HPSE2: variants seen among roughly 807,000 people sequenced by gnomAD.
The protein encoded by HPSE2 is inactive heparanase-2.
A neutral mutation model predicts 60.5 loss-of-function variants in HPSE2; 38 were observed. That is an observed-to-expected ratio of 0.63 (90% CI 0.48 to 0.82). HPSE2 has a LOEUF of 0.82. Among genes scored for constraint, HPSE2 ranks in the 40% least tolerant of loss-of-function variants. HPSE2 has a pLI of 0.00. For missense variants in HPSE2, 713 were observed against 740.4 expected, an observed-to-expected ratio of 0.96 and a Z score of 0.43; for synonymous variants, 295 against 293.2, an observed-to-expected ratio of 1.01 and a Z score of -0.06.
At chr10:98,625,618 C>T (rs902548856) in intron 7 of HPSE2, among the ~76,000 whole-genome samples, 1 of 152,100 alleles carries the variant, frequency 6.6e-6, no homozygotes, top group Non-Finnish European at 1.5e-5. Context: ...TCAATAGGTC[C>T]TTGGAAACGG....
chr10:98,937,061 A>C (rs1382140267), intron 3 of HPSE2, among the ~76,000 whole-genome samples: 1 of 142,360 alleles, frequency 7.0e-6, no homozygotes, highest in Admixed American at 7.0e-5. Context: ...CCTCTACAAC[A>C]ATATACAATA....
chr10:98,720,658 C>T (rs373780839), intron 5 of HPSE2, among the ~76,000 whole-genome samples: 1 of 151,970 alleles, frequency 6.6e-6, no homozygotes, highest in African/African-American at 2.4e-5. Flanking sequence ...AATAAATAAC[C>T]GATTTGTATA....
intron 6 of HPSE2, among the ~76,000 whole-genome samples, chr10:98,693,109 A>G (rs1429254286): frequency 1.3e-5 from 2 of 152,238 alleles, no homozygotes; most frequent in Admixed American, 6.5e-5. Flanking sequence ...GCCAAGGCCT[A>G]TGAGGGCCCT....
rs181578270 is a variant in HPSE2, at chr10:98,654,427, C to T, written c.1005-12487G>A. ...CTATTCTGTTGTTTTCATTCTTTTA[C>T]CTTTCTGAATTTCAGTTTGGGCAAT... On this transcript the variant is annotated intron_variant, in intron 6 of 11. Coordinates refer to ENST00000370552, the MANE Select transcript of HPSE2 (RefSeq NM_021828.5). 8.7e-4 allele frequency among the ~76,000 whole-genome samples: 132 copies of T among 152,210 alleles called. 1 individual carries two copies. Among genetic ancestry groups the T allele is most frequent in the Non-Finnish European group, 1.7e-3 (115 of 67,996 alleles).
At chr10:98,908,724 A>G (rs914213825) in intron 3 of HPSE2, among the ~76,000 whole-genome samples, 9 of 151,584 alleles carry the variant, frequency 5.9e-5, no homozygotes, top group African/African-American at 2.2e-4. Flanking sequence ...GTATATGGAA[A>G]GTAATTGTGA....
intron 5 of HPSE2, among the ~76,000 whole-genome samples, chr10:98,704,613 T>C (rs1948498216): frequency 6.6e-6 from 1 of 152,160 alleles, no homozygotes. Context: ...ACCACACATC[T>C]ACAATCATCT....
intron 3 of HPSE2, among the ~76,000 whole-genome samples, chr10:98,921,175 T>G (rs1426325099): frequency 6.6e-6 from 1 of 152,160 alleles, no homozygotes; most frequent in Non-Finnish European, 1.5e-5. Context: ...CTCATATGCT[T>G]GTTGTTAGGA....
intron 3 of HPSE2, among the ~76,000 whole-genome samples, chr10:98,968,259 T>G (rs1955863558): frequency 6.6e-6 from 1 of 152,220 alleles, no homozygotes; most frequent in Non-Finnish European, 1.5e-5. Context: ...CAATTAGCAC[T>G]GTTTGGATCC....
chr10:99,303,764 G>T, the HPSE2 span, among the ~76,000 whole-genome samples: 1 of 152,204 alleles, frequency 6.6e-6, no homozygotes, highest in East Asian at 1.9e-4. Context: ...CTGTGGGTAG[G>T]AAAAGGCACT....
At chr10:99,186,129 C>CACAT (rs1554912909) in intron 2 of HPSE2, among the ~76,000 whole-genome samples, 5 of 141,702 alleles carry the variant, frequency 3.5e-5, no homozygotes, top group East Asian at 2.2e-4. Flanking sequence ...CACACACACA[C>CACAT]ACACACACAC....
intron 2 of HPSE2, among the ~76,000 whole-genome samples, chr10:99,171,643 T>C (rs1026659528): frequency 6.6e-5 from 10 of 152,164 alleles, no homozygotes; most frequent in African/African-American, 2.2e-4. Context: ...TATTTGACCA[T>C]TGAGCAGTAA....
intron 9 of HPSE2, among the ~76,000 whole-genome samples, chr10:98,528,993 G>C (rs1943053932): frequency 6.6e-6 from 1 of 152,244 alleles, no homozygotes; most frequent in African/African-American, 2.4e-5. Context: ...AACCACTTAT[G>C]GTACGCCCTG....
At chr10:99,282,540 T>TCCTC in the HPSE2 span, among the ~76,000 whole-genome samples, 1 of 152,108 alleles carries the variant, frequency 6.6e-6, no homozygotes, top group African/African-American at 2.4e-5. Flanking sequence ...ATGTACGGAA[T>TCCTC]CCTCTACCCA....
chr10:98,873,982 CAT>C lies in HPSE2; in HGVS notation c.611-129928_611-129927del, dbSNP rs554882265. 1.4e-4 allele frequency among the ~76,000 whole-genome samples: 21 copies of C among 152,148 alleles called. No homozygotes were observed. In the South Asian group the frequency reaches 3.9e-3, roughly 29 times the overall value. On this transcript the variant is annotated intron_variant, in intron 3 of 11. Coordinates refer to ENST00000370552, the MANE Select transcript of HPSE2 (RefSeq NM_021828.5). ...TGATCAGTGATTTTGAGCTTTTTTTCATATGTTTTTTGGCCACATAAATGTCT... is the reference window on the plus strand; with the variant it reads ...TGATCAGTGATTTTGAGCTTTTTTTCATGTTTTTTGGCCACATAAATGTCT...
rs181630665 is a variant in HPSE2 at position 98,544,433 on chromosome 10, G to A, written c.1321-54237C>T. Among the ~76,000 whole-genome samples the A allele has an allele frequency of 4.4e-3, 675 of 152,146 alleles. 7 individuals carry two copies. The highest frequency in any genetic ancestry group is 0.015 in the African/African-American group (635 of 41,502). On this transcript the variant is annotated intron_variant, in intron 9 of 11. Transcript: ENST00000370552. ...CCAATTAAAAGAACTAGAGAAGGCC[G>A]GGCGCGGTGGCTCACGCCTGTAATC...
intron 3 of HPSE2, among the ~76,000 whole-genome samples, chr10:98,963,370 G>C (rs1290926473): frequency 6.6e-6 from 1 of 152,134 alleles, no homozygotes; most frequent in Admixed American, 6.5e-5. Flanking sequence ...TCATATTTTA[G>C]AGTGTTTTCT....
At chr10:99,306,952 C>T in the HPSE2 span, among the ~76,000 whole-genome samples, 2 of 152,098 alleles carry the variant, frequency 1.3e-5, no homozygotes, top group Non-Finnish European at 2.9e-5. Flanking sequence ...TCAGGTGATC[C>T]GCCCGCCTCA....
intron 3 of HPSE2, among the ~76,000 whole-genome samples, chr10:98,780,190 T>C (rs1176255554): frequency 2.0e-5 from 3 of 152,102 alleles, no homozygotes; most frequent in African/African-American, 7.2e-5. Context: ...TGATGTCTTC[T>C]TTCTGGTAAA....
At chr10:98,507,059 G>A (rs977526391) in intron 9 of HPSE2, among the ~76,000 whole-genome samples, 5 of 152,178 alleles carry the variant, frequency 3.3e-5, no homozygotes, top group African/African-American at 9.7e-5. Flanking sequence ...CATGCATATT[G>A]CTTAAGCACA....
Sources: allele counts gnomAD v4.1 joint callset (sites outside exome capture counted in the v4.1 genomes callset), GRCh38; gene constraint gnomAD v4.1.1; transcripts MANE v1.5; gene names NCBI Gene and HGNC (gene_info 2026-07-23, HGNC 2026-07-21).